Variants in MALRD1 observed in about 807,000 individuals in gnomAD.
The protein encoded by MALRD1 is MAM and LDL-receptor class A domain-containing protein 1.
A neutral mutation model predicts 242.1 loss-of-function variants in MALRD1; 247 were observed. The ratio of observed to expected loss-of-function variants is 1.02; its 90% confidence interval spans 0.92 to 1.13. MALRD1 has a LOEUF of 1.13. Ranked by LOEUF, MALRD1 falls within the 50% of genes most tolerant of loss-of-function variation. The probability of loss-of-function intolerance (pLI) is 0.00; values close to 1 mark genes in which losing one functional copy is unlikely to be tolerated. For synonymous variants in MALRD1, 995 were observed against 866.6 expected (o/e 1.15, Z -2.60); for missense variants, 2,989 against 2,533.1 (o/e 1.18, Z -3.86).
intron 28 of MALRD1, among the ~76,000 whole-genome samples, chr10:19,437,535 C>T (rs1298039362): frequency 6.6e-6 from 1 of 151,818 alleles, no homozygotes; most frequent in African/African-American, 2.4e-5. Flanking sequence ...ATTGTTTCTC[C>T]TCAATCTGTT....
chr10:19,063,144 C>G (rs553897801), intron 1 of MALRD1, among the ~76,000 whole-genome samples: 29 of 150,912 alleles, frequency 1.9e-4, no homozygotes, highest in African/African-American at 7.0e-4. Flanking sequence ...AGACCCTGTC[C>G]CCCCCCCAAA....
chr10:19,290,034 A>C (rs1158444187), intron 21 of MALRD1, among the ~76,000 whole-genome samples: 1 of 152,182 alleles, frequency 6.6e-6, no homozygotes, highest in Non-Finnish European at 1.5e-5. Context: ...AAACAATAAA[A>C]AGTCTAAAGA....
intron 24 of MALRD1, among the ~76,000 whole-genome samples, chr10:19,331,813 A>C (rs912045514): frequency 6.6e-6 from 1 of 152,158 alleles, no homozygotes; most frequent in African/African-American, 2.4e-5. Context: ...AATTGGAGAT[A>C]AATTGGAAAA....
intron 7 of MALRD1, among the ~76,000 whole-genome samples, chr10:19,125,295 TTCCTTCCTTCCTTCCTTCC>T (rs1837223821): frequency 5.7e-5 from 2 of 34,960 alleles, no homozygotes; most frequent in Admixed American, 3.7e-4. Context: ...CTTTCTTTCC[TTCCTTCCTTCCTTCCTTCC>T]TTCCTTCCTT....
At chr10:19,101,655 A>G (rs1025581539) in intron 4 of MALRD1, among the ~76,000 whole-genome samples, 14 of 135,134 alleles carry the variant, frequency 1.0e-4, no homozygotes, top group Admixed American at 6.3e-4. Context: ...TACATATACT[A>G]TAGGTACATC....
intron 36 of MALRD1, among the ~76,000 whole-genome samples, chr10:19,673,506 C>T (rs897783942): frequency 3.3e-5 from 5 of 152,162 alleles, no homozygotes; most frequent in Non-Finnish European, 7.4e-5. Context: ...TTCAGATTGC[C>T]AGTAATTTAG....
intron 24 of MALRD1, among the ~76,000 whole-genome samples, chr10:19,334,804 A>G (rs1843530998): frequency 6.6e-6 from 1 of 152,122 alleles, no homozygotes; most frequent in Non-Finnish European, 1.5e-5. Flanking sequence ...TCCCTTAAAT[A>G]TTACACAAAT....
intron 29 of MALRD1, chr10:19,488,868 T>C (rs1056012244): frequency 1.0e-4 from 37 of 352,656 alleles, no homozygotes; most frequent in Non-Finnish European, 4.0e-5. Flanking sequence ...CCTGCAGAGT[T>C]AGGATTTTTG....
rs1486451486 is a variant in MALRD1, at chr10:19,203,750, A to G, written c.1974A>G (p.Ala658=). Residue 658 remains alanine, a synonymous_variant, in exon 15 of 40, where the codon GCA becomes GCG. Coordinates refer to ENST00000454679, the MANE Select transcript of MALRD1 (RefSeq NM_001142308.3). ...QSKFSKCDFE[A]NSCDWFEAIS... is the part of the protein sequence containing the mutation. ...CAGTTTCCAAGTGTGACTTTGAAGC[A>G]AACAGCTGTGATTGGTTTGAAGCAA... 2 of 1,543,138 alleles carry G rather than the reference A, an allele frequency of 1.3e-6. No individual in the cohort carries two copies. Among genetic ancestry groups the G allele is most frequent in the African/African-American group, 2.7e-5 (2 of 72,830 alleles).
chr10:19,683,827 G>C (rs976928950), intron 36 of MALRD1, among the ~76,000 whole-genome samples: 1 of 152,082 alleles, frequency 6.6e-6, no homozygotes, highest in African/African-American at 2.4e-5. Context: ...TTGCTACATA[G>C]GTATACATGT....
At chr10:19,696,752 A>G (rs79247189) in intron 38 of MALRD1, among the ~76,000 whole-genome samples, 1 of 130,050 alleles carries the variant, frequency 7.7e-6, no homozygotes, top group South Asian at 2.3e-4. Context: ...GCCCAAAATT[A>G]AAAAAAAAAA....
At chr10:19,263,213 C>T (rs1380710988) in intron 19 of MALRD1, among the ~76,000 whole-genome samples, 1 of 152,154 alleles carries the variant, frequency 6.6e-6, no homozygotes, top group Non-Finnish European at 1.5e-5. Flanking sequence ...TTTGAGCAAC[C>T]TCCATACTGT....
intron 28 of MALRD1, among the ~76,000 whole-genome samples, chr10:19,406,220 CCTT>C (rs1443531633): frequency 6.6e-6 from 1 of 152,086 alleles, no homozygotes; most frequent in Admixed American, 6.6e-5. Flanking sequence ...TAAAATTAAT[CCTT>C]CATGAAATGT....
intron 13 of MALRD1, among the ~76,000 whole-genome samples, chr10:19,173,019 A>C (rs991080263): frequency 4.6e-5 from 7 of 152,032 alleles, no homozygotes; most frequent in Non-Finnish European, 1.0e-4. Flanking sequence ...ATTATTATGT[A>C]CATCACATTA....
chr10:19,205,515 A>T (rs746961826), intron 17 of MALRD1, among the ~76,000 whole-genome samples: 8 of 151,928 alleles, frequency 5.3e-5, no homozygotes, highest in Non-Finnish European at 7.4e-5. Context: ...TGCGGAGCTT[A>T]CAATCTTACT....
chr10:19,081,125 G>T (rs932837532), intron 2 of MALRD1, among the ~76,000 whole-genome samples: 4 of 152,116 alleles, frequency 2.6e-5, no homozygotes, highest in African/African-American at 9.7e-5. Context: ...ACAGATGCTA[G>T]CCAGGATGCA....
intron 34 of MALRD1, among the ~76,000 whole-genome samples, chr10:19,601,693 AT>A (rs1328530860): frequency 6.6e-6 from 1 of 152,068 alleles, no homozygotes; most frequent in Non-Finnish European, 1.5e-5. Context: ...TATAACACTT[AT>A]AAATTAGAGC....
At chr10:19,177,366 T>G (rs1286162747) in intron 14 of MALRD1, among the ~76,000 whole-genome samples, 1 of 152,062 alleles carries the variant, frequency 6.6e-6, no homozygotes, top group African/African-American at 2.4e-5. Context: ...TTCTTTCTCT[T>G]AATTAAATAC....
At chr10:19,506,670 A>G (rs552891306) in intron 31 of MALRD1, among the ~76,000 whole-genome samples, 6 of 152,124 alleles carry the variant, frequency 3.9e-5, no homozygotes, top group Admixed American at 3.3e-4. Context: ...TATATTTTCT[A>G]TTGGTTAGAT....
Sources: gnomAD v4.1 joint callset for allele counts (sites outside exome capture counted in the v4.1 genomes callset) on GRCh38, gnomAD v4.1.1 for gene constraint, MANE v1.5 for transcripts, NCBI Gene and HGNC (gene_info 2026-07-23, HGNC 2026-07-21) for gene names.